The following BRI3BP variants were observed in gnomAD, a reference collection of about 807,000 sequenced individuals.
BRI3BP encodes BRI3-binding protein.
BRI3BP carries 7 observed loss-of-function variants against 15.8 expected under a neutral mutation model. The observed-to-expected ratio is 0.44, with a 90% CI of 0.25 to 0.83. The LOEUF (loss-of-function observed/expected upper bound fraction) is 0.83, where lower values mean the gene tolerates loss of function less well. Among genes scored for constraint, BRI3BP ranks in the 40% least tolerant of loss-of-function variants. The pLI is 0.20. For synonymous variants in BRI3BP, 192 were observed against 163.5 expected, an observed-to-expected ratio of 1.17 and a Z score of -1.33; for missense variants, 320 against 339.3, an observed-to-expected ratio of 0.94 and a Z score of 0.45.
intron 1 of BRI3BP, among the ~76,000 whole-genome samples, chr12:124,994,867 G>A (rs1955027968): frequency 6.6e-6 from 1 of 152,194 alleles, no homozygotes; most frequent in Admixed American, 6.5e-5. Flanking sequence ...AGAAGTTTGG[G>A]TTCAAGTTGG....
intron 2 of BRI3BP, among the ~76,000 whole-genome samples, chr12:125,024,261 C>T (rs12832631): frequency 8.6e-5 from 3 of 34,864 alleles, no homozygotes; most frequent in African/African-American, 3.4e-4. Context: ...TCATGAAACC[C>T]CCCCCCCTCC....
At chr12:125,050,128 G>A in the BRI3BP span, among the ~76,000 whole-genome samples, 4 of 152,084 alleles carry the variant, frequency 2.6e-5, no homozygotes, top group South Asian at 2.1e-4. Flanking sequence ...TGAGCCGGGC[G>A]GATCACGAGG....
At chr12:125,008,912 CT>C (rs1404210024) in intron 1 of BRI3BP, among the ~76,000 whole-genome samples, 1 of 151,998 alleles carries the variant, frequency 6.6e-6, no homozygotes, top group African/African-American at 2.4e-5. Flanking sequence ...GCATTAGGAT[CT>C]CACAAGGAAC....
intron 2 of BRI3BP, among the ~76,000 whole-genome samples, chr12:125,012,990 A>G (rs538694930): frequency 4.5e-4 from 69 of 152,320 alleles, no homozygotes; most frequent in African/African-American, 1.6e-3. Context: ...AGGCTGAGGC[A>G]GGAGGATTGC....
At chr12:125,031,941 A>G, downstream of BRI3BP, among the ~76,000 whole-genome samples, 1 of 152,156 alleles carries the variant, frequency 6.6e-6, no homozygotes. Flanking sequence ...TTTTTACGCA[A>G]AGACAATCTC....
chr12:124,999,321 G>A (rs537655520), intron 1 of BRI3BP, among the ~76,000 whole-genome samples: 3 of 152,194 alleles, frequency 2.0e-5, no homozygotes, highest in African/African-American at 7.2e-5. Context: ...CCCCTTCCCC[G>A]AAGCAGCCAG....
chr12:125,050,316 C>G, the BRI3BP span, among the ~76,000 whole-genome samples: 1 of 151,206 alleles, frequency 6.6e-6, no homozygotes, highest in Non-Finnish European at 1.5e-5. Context: ...CGCCACTGCC[C>G]TCCAGGTTGG....
the BRI3BP span, among the ~76,000 whole-genome samples, chr12:125,047,153 C>CTT: frequency 2.0e-5 from 3 of 147,034 alleles, no homozygotes; most frequent in African/African-American, 7.5e-5. Flanking sequence ...TTTCTTTACT[C>CTT]TTTTTTTTTT....
intron 2 of BRI3BP, among the ~76,000 whole-genome samples, chr12:125,017,923 G>A (rs1955261464): frequency 6.6e-6 from 1 of 152,146 alleles, no homozygotes; most frequent in South Asian, 2.1e-4. Flanking sequence ...TGGGACCCTG[G>A]GCAAGGAGTC....
intron 1 of BRI3BP, among the ~76,000 whole-genome samples, chr12:125,007,931 C>T (rs1241194659): frequency 6.6e-6 from 1 of 152,174 alleles, no homozygotes; most frequent in Non-Finnish European, 1.5e-5. Context: ...TGCAGTGGCG[C>T]TCTGAAGGCA....
chr12:125,025,624 TGG>T lies in BRI3BP; in HGVS notation c.*195_*196del. The T allele has an allele frequency of 3.4e-6, 2 of 586,444 alleles. No homozygotes were observed. The highest frequency in any genetic ancestry group is 5.8e-6 in the Non-Finnish European group (2 of 342,492). 36.3% of individuals were successfully genotyped at this position (586,444 alleles called of 1,614,324 possible). ...CAGAAGAGCGGAAAGATCATTGACG[TGG>T]AACTACACACGAAGTGTAATTAGTG... On this transcript the variant is annotated 3_prime_UTR_variant, in exon 3 of 3. Coordinates refer to ENST00000341446, the MANE Select transcript of BRI3BP (RefSeq NM_080626.6).
intron 2 of BRI3BP, 45 bp from the exon 3 acceptor site, chr12:125,024,946 C>T (rs1955336287): frequency 6.5e-7 from 1 of 1,529,728 alleles, no homozygotes; most frequent in Non-Finnish European, 8.9e-7. Flanking sequence ...TAAGAAACCC[C>T]TGGCCCCTGC....
At chr12:125,009,896 G>A (rs1206176651) in intron 1 of BRI3BP, among the ~76,000 whole-genome samples, 1 of 152,106 alleles carries the variant, frequency 6.6e-6, no homozygotes, top group Non-Finnish European at 1.5e-5. Flanking sequence ...GAGGTCAGCA[G>A]TTCGAGACCA....
the BRI3BP span, among the ~76,000 whole-genome samples, chr12:125,045,690 G>A: frequency 1.3e-5 from 2 of 152,172 alleles, no homozygotes; most frequent in Non-Finnish European, 2.9e-5. Flanking sequence ...TCAGACTTAT[G>A]TGTAAAAATG....
chr12:125,038,028 C>T, the BRI3BP span, among the ~76,000 whole-genome samples: 1 of 152,054 alleles, frequency 6.6e-6, no homozygotes, highest in Non-Finnish European at 1.5e-5. Context: ...CACGGTGGCT[C>T]ATGCATGTAA....
At chr12:125,021,395 C>G (rs898552532) in intron 2 of BRI3BP, among the ~76,000 whole-genome samples, 1 of 152,188 alleles carries the variant, frequency 6.6e-6, no homozygotes, top group African/African-American at 2.4e-5. Flanking sequence ...CACTCCAGAT[C>G]GTTGTGTCAC....
chr12:125,006,931 G>A (rs2135990735), intron 1 of BRI3BP, among the ~76,000 whole-genome samples: 1 of 152,228 alleles, frequency 6.6e-6, no homozygotes, highest in Admixed American at 6.5e-5. Flanking sequence ...GGGCGCGGTG[G>A]GTCACGCCTG....
intron 2 of BRI3BP, among the ~76,000 whole-genome samples, chr12:125,017,571 T>C (rs1955258638): frequency 2.0e-5 from 3 of 152,160 alleles, no homozygotes; most frequent in Admixed American, 2.0e-4. Context: ...TTTGAGACAG[T>C]CTCTATTTGA....
At chr12:125,022,541 A>ATTTTTTTTTTTTTTTTTT (rs770844998) in intron 2 of BRI3BP, among the ~76,000 whole-genome samples, 63 of 139,422 alleles carry the variant, frequency 4.5e-4, no homozygotes, top group Middle Eastern at 3.7e-3. Flanking sequence ...TTATTTATTT[A>ATTTTTTTTTTTTTTTTTT]TTTTTTGAGA....
Sources: allele counts gnomAD v4.1 joint callset (sites outside exome capture counted in the v4.1 genomes callset), GRCh38; gene constraint gnomAD v4.1.1; transcripts MANE v1.5; gene names NCBI Gene and HGNC (gene_info 2026-07-23, HGNC 2026-07-21).